Variants in MVP observed in about 807,000 individuals in gnomAD.
MVP encodes the protein lung resistance-related protein.
A neutral mutation model predicts 83.5 loss-of-function variants in MVP; 62 were observed. The observed-to-expected ratio is 0.74, with a 90% CI of 0.61 to 0.92. MVP has a LOEUF of 0.92. MVP is among the 40% of genes least tolerant of loss of function. The pLI is 0.00. For synonymous variants in MVP, 505 were observed against 504.1 expected, an observed-to-expected ratio of 1.00 and a Z score of -0.02; for missense variants, 1,000 against 1,203.4, an observed-to-expected ratio of 0.83 and a Z score of 2.50.
intron 7 of MVP, 39 bp from the exon 8 acceptor site, chr16:29,840,139 C>A: frequency 6.4e-7 from 1 of 1,558,088 alleles, no homozygotes; most frequent in Non-Finnish European, 8.7e-7. Flanking sequence ...CACCCGCAAC[C>A]CTAAAGGCAC....
At position 29,844,806 on chromosome 16, in the gene MVP, AC is replaced by A; in HGVS notation, c.1951del (p.Arg651GlyfsTer62). 6.2e-7 allele frequency: 1 copy of A among 1,609,196 alleles called. No homozygotes were observed. On this transcript the variant is annotated frameshift_variant, in exon 11 of 15. Transcript: ENST00000357402. LOFTEE classifies it high-confidence loss of function. ...GTCAGTGGAGCCTGTGGATCAGAGG[AC>A]CCGGGACGCCCTGCAACGCAGCGTC... ...VQSVEPVDQR[T>X]RDALQRSVQL...
chr16:29,822,359 T>C lies in MVP; in HGVS notation c.-36+1849T>C, dbSNP rs189455120. On this transcript the variant is annotated intron_variant, in intron 1 of 14. Coordinates refer to ENST00000357402, the MANE Select transcript of MVP (RefSeq NM_005115.5). Reference sequence around the variant, plus strand: ...AGTAATTTATGAGACACATTCTCAATTTCCATTAATCATCTCCTAAAGGGG... The same window carrying C: ...AGTAATTTATGAGACACATTCTCAACTTCCATTAATCATCTCCTAAAGGGG... Among the ~76,000 whole-genome samples, 628 of 151,812 alleles carry C rather than the reference T, an allele frequency of 4.1e-3. 2 individuals carry two copies. Among genetic ancestry groups the C allele is most frequent in the Non-Finnish European group, 5.9e-3 (398 of 67,920 alleles).
chr16:29,822,204 C>G (rs1278390665), intron 1 of MVP, among the ~76,000 whole-genome samples: 1 of 150,502 alleles, frequency 6.6e-6, no homozygotes. Flanking sequence ...CTGATCTAGG[C>G]GGTTCTTGCC....
Position 29,841,878 on chromosome 16 carries a change from C to T in MVP, c.1437-37C>T. On this transcript the variant is annotated intron_variant, in intron 9 of 14. Coordinates refer to ENST00000357402, the MANE Select transcript of MVP (RefSeq NM_005115.5). The surrounding 1 kb of genome is among the most constrained non-coding windows in gnomAD (Gnocchi z 4.7). The stretch of plus-strand genomic sequence containing the variant: ...AGCGCAGGGTGTAGGGGGTGGCTCT[C>T]CATGGGTCTGGCTCTGACCCTCGGC... The T allele has an allele frequency of 3.7e-6, 6 of 1,610,046 alleles. No homozygotes were observed. The highest frequency in any genetic ancestry group is 3.4e-6 in the Non-Finnish European group (4 of 1,179,912).
At position 29,847,968 on chromosome 16, in the gene MVP, C is replaced by CA; in HGVS notation, c.2661_2662insA (p.Val888SerfsTer11). Reference sequence around the variant, plus strand: ...CCCCTCAAGCTCCTGGAGACAACCACGTGGTGCCTGTACTGCGCTAACTCC... The same window carrying CA: ...CCCCTCAAGCTCCTGGAGACAACCACAGTGGTGCCTGTACTGCGCTAACTCC... On this transcript the variant is annotated frameshift_variant, in exon 15 of 15. Coordinates refer to ENST00000357402, the MANE Select transcript of MVP (RefSeq NM_005115.5). LOFTEE classifies it low-confidence loss of function (END_TRUNC). 2 of 1,609,244 alleles carry CA rather than the reference C, an allele frequency of 1.2e-6. No individual in the cohort carries two copies. Among genetic ancestry groups the CA allele is most frequent in the Non-Finnish European group, 1.7e-6 (2 of 1,178,724 alleles).
intron 1 of MVP, among the ~76,000 whole-genome samples, chr16:29,826,925 C>CAAAAAA: frequency 1.4e-5 from 1 of 70,890 alleles, no homozygotes; most frequent in Middle Eastern, 0.011. Context: ...GAGTCCATCT[C>CAAAAAA]AAAAAAAAAA....
intron 6 of MVP, among the ~76,000 whole-genome samples, chr16:29,836,267 CAAAAA>C (rs989574046): frequency 1.8e-5 from 1 of 55,106 alleles, no homozygotes; most frequent in Non-Finnish European, 3.8e-5. Flanking sequence ...AACCCTGTCT[CAAAAA>C]AAAAAAAAAA....
Position 29,830,948 on chromosome 16 carries a change from T to TCTCG in MVP, c.197_200dup (p.Asp68SerfsTer10), listed in dbSNP as rs2067437099. The TCTCG allele has an allele frequency of 6.2e-7, 1 of 1,613,886 alleles. No individual in the cohort carries two copies. Among genetic ancestry groups the TCTCG allele is most frequent in the Non-Finnish European group, 8.5e-7 (1 of 1,179,982 alleles). ...CTACTGCACAGTGGCCAACCCTGTG[T>TCTCG]CTCGGGATGCCCAGGGCTTGGTGCT... On this transcript the variant is annotated frameshift_variant, in exon 3 of 15. Transcript: ENST00000357402. LOFTEE classifies it high-confidence loss of function.
chr16:29,828,904 C>T (rs943689596), intron 1 of MVP, among the ~76,000 whole-genome samples: 2 of 152,098 alleles, frequency 1.3e-5, no homozygotes, highest in African/African-American at 2.4e-5. Context: ...TGAAGTTTTA[C>T]AGATCGTGGG....
rs138909196 is a variant in MVP, at chr16:29,844,531, C to T, written c.1673C>T (p.Thr558Met). The T allele has an allele frequency of 2.2e-5, 35 of 1,565,554 alleles. No individual in the cohort carries two copies. The highest frequency in any genetic ancestry group is 1.3e-4 in the Admixed American group (7 of 53,730). The change falls in exon 11 of 15, where the codon ACG becomes ATG. Residue 558 changes from threonine to methionine, a missense_variant. Thr to Met is a moderately conservative substitution (Grantham distance 81). Transcript: ENST00000357402. ...EVNDRKDPQE[T>M]AKLFSVPDFV... is the part of the protein sequence containing the mutation. ...AATGACCGGAAGGACCCCCAAGAGA[C>T]GGCCAAGCTCTTTTCAGTGCCAGAC...
At chr16:29,824,863 GT>G (rs2067394365) in intron 1 of MVP, among the ~76,000 whole-genome samples, 1 of 150,622 alleles carries the variant, frequency 6.6e-6, no homozygotes. Context: ...TGTAGCAGAA[GT>G]TTACTTTTGA....
Position 29,840,377 on chromosome 16 carries a change from A to C in MVP, c.1109A>C (p.Lys370Thr). Residue 370 changes from lysine to threonine, a missense_variant, in exon 8 of 15, where the codon AAA (lysine) becomes ACA (threonine). Coordinates refer to ENST00000357402, the MANE Select transcript of MVP (RefSeq NM_005115.5). ...RGPLEYVPSAKVEVVEERQAI... is the reference protein window; with the variant it reads ...RGPLEYVPSATVEVVEERQAI... ...CCCCTGGAGTATGTGCCATCTGCCAAAGTGGAGGTGGTGGAGGAGCGCCAG... is the reference window on the plus strand; with the variant it reads ...CCCCTGGAGTATGTGCCATCTGCCACAGTGGAGGTGGTGGAGGAGCGCCAG... 1 of 1,601,352 alleles carries C rather than the reference A, an allele frequency of 6.2e-7. No individual in the cohort carries two copies. Among genetic ancestry groups the C allele is most frequent in the Non-Finnish European group, 8.5e-7 (1 of 1,174,800 alleles).
intron 7 of MVP, among the ~76,000 whole-genome samples, chr16:29,838,495 G>A (rs934872485): frequency 2.0e-5 from 3 of 151,710 alleles, no homozygotes; most frequent in African/African-American, 7.3e-5. Context: ...ATAAAAAATT[G>A]TAGCATATCC....
At chr16:29,830,068 A>G (rs189016251) in intron 1 of MVP, 350 of 155,908 alleles carry the variant, frequency 2.2e-3, no homozygotes, top group Non-Finnish European at 3.5e-3. Flanking sequence ...CCTCTGGAGG[A>G]GCCAGGCAGC....
At chr16:29,827,757 A>G (rs1488288697) in intron 1 of MVP, among the ~76,000 whole-genome samples, 1 of 152,080 alleles carries the variant, frequency 6.6e-6, no homozygotes, top group Non-Finnish European at 1.5e-5. Context: ...CTGCAAAAAA[A>G]ATGAAAAAAT....
Position 29,842,047 on chromosome 16 carries a change from C to T in MVP, c.1569C>T (p.Phe523=), listed in dbSNP as rs1253150395. 1.2e-6 allele frequency: 2 copies of T among 1,610,142 alleles called. No individual in the cohort carries two copies. Among genetic ancestry groups the T allele is most frequent in the Non-Finnish European group, 1.7e-6 (2 of 1,179,922 alleles). ...GCCTGCTGCTGGGGCCTGACTTCTT[C>T]ACAGACGTCATCACCATCGAAACGG... ...ALCLLLGPDF[F]TDVITIETAD... The change falls in exon 10 of 15, where the codon TTC becomes TTT. Residue 523 remains phenylalanine, a synonymous_variant. Transcript: ENST00000357402.
intron 8 of MVP, 110 bp downstream of exon 8, chr16:29,840,569 A>G (rs1008453651): frequency 1.5e-6 from 2 of 1,296,602 alleles, no homozygotes; most frequent in African/African-American, 1.5e-5. Flanking sequence ...ATGGAGAGCC[A>G]TATCAGGTGG....
At chr16:29,824,223 A>C (rs1312984653) in intron 1 of MVP, among the ~76,000 whole-genome samples, 3 of 139,350 alleles carry the variant, frequency 2.2e-5, no homozygotes, top group African/African-American at 6.2e-5. Context: ...AAAAAAAAAA[A>C]AAAAAAAAAA....
chr16:29,831,158 T>C, intron 3 of MVP, 85 bp downstream of exon 3: 1 of 1,285,438 alleles, frequency 7.8e-7, no homozygotes, highest in Non-Finnish European at 1.0e-6. Flanking sequence ...CTTCTTCTTT[T>C]TTTCTTTTCT....
Sources: gnomAD v4.1 joint callset for allele counts (sites outside exome capture counted in the v4.1 genomes callset) on GRCh38, gnomAD v4.1.1 for gene constraint, Gnocchi (gnomAD v3.1) non-coding constraint, MANE v1.5 for transcripts, NCBI Gene and HGNC (gene_info 2026-07-23, HGNC 2026-07-21) for gene names.